Variants in ABCB7 observed in about 807,000 individuals in gnomAD.
ABCB7 encodes the protein iron-sulfur clusters transporter ABCB7, mitochondrial.
A neutral mutation model predicts 54.4 loss-of-function variants in ABCB7; 7 were observed. The observed-to-expected ratio is 0.13, with a 90% CI of 0.07 to 0.24. ABCB7 has a LOEUF of 0.24. ABCB7 is among the 10% of genes least tolerant of loss of function. ABCB7 has a pLI of 1.00. For synonymous variants in ABCB7, 218 were observed against 207.1 expected (o/e 1.05, Z -0.45); for missense variants, 356 against 570.4 (o/e 0.62, Z 3.83).
At chrX:75,063,976 G>A (rs2081299486) in intron 13 of ABCB7, among the ~76,000 whole-genome samples, 1 of 111,232 alleles carries the variant, frequency 9.0e-6, no homozygotes, top group Non-Finnish European at 1.9e-5. Flanking sequence ...ATAAATTAGG[G>A]ATCGCCAGAA....
At chrX:75,091,625 A>G (rs1330456205) in intron 4 of ABCB7, among the ~76,000 whole-genome samples, 1 of 110,709 alleles carries the variant, frequency 9.0e-6, no homozygotes, top group African/African-American at 3.3e-5. Flanking sequence ...AAAGGACAAA[A>G]TAAAACTGTC....
rs1490568635 is a variant in ABCB7 at position 75,074,014 on chromosome X, T to G, written c.856-58A>C. The G allele has an allele frequency of 3.1e-6, 3 of 964,560 alleles. No individual in the cohort carries two copies. The African/African-American group carries it at 5.7e-5, about 18-fold the overall frequency. 79.5% of individuals were successfully genotyped at this position (964,560 alleles called of 1,213,427 possible). On this transcript the variant is annotated intron_variant, in intron 6 of 15. Coordinates refer to ENST00000373394, the MANE Select transcript of ABCB7 (RefSeq NM_001271696.3). The stretch of plus-strand genomic sequence containing the variant: ...ACAGTTATTGTTCTTCCCAAACAGT[T>G]TGTAATACACAACAGCAAATCTCGG...
At chrX:75,061,799 G>GT (rs2081284131) in intron 14 of ABCB7, among the ~76,000 whole-genome samples, 1 of 112,229 alleles carries the variant, frequency 8.9e-6, no homozygotes, top group Admixed American at 9.4e-5. Context: ...ATTGACATCA[G>GT]TGTCACATCT....
At chrX:75,073,992 G>C in intron 6 of ABCB7, 36 bp from the exon 7 acceptor site, 2 of 1,080,392 alleles carry the variant, frequency 1.9e-6, no homozygotes, top group Non-Finnish European at 2.6e-6. Context: ...ACGTGAAACA[G>C]TTATTGTTCT....
chrX:75,081,979 C>G (rs1340679957), intron 4 of ABCB7, among the ~76,000 whole-genome samples: 1 of 109,818 alleles, frequency 9.1e-6, no homozygotes, highest in East Asian at 2.8e-4. Flanking sequence ...AAAACACTTA[C>G]CATCCTTTAT....
intron 3 of ABCB7, among the ~76,000 whole-genome samples, chrX:75,108,056 T>G (rs2081720586): frequency 9.0e-6 from 1 of 111,057 alleles, no homozygotes; most frequent in African/African-American, 3.3e-5. Context: ...TTGGGGGTAG[T>G]CTGGCAGTAC....
intron 5 of ABCB7, among the ~76,000 whole-genome samples, chrX:75,075,877 T>G (rs900532984): frequency 1.8e-5 from 2 of 111,990 alleles, no homozygotes; most frequent in East Asian, 5.6e-4. Context: ...TTTTTCCAAA[T>G]AAAATACTTA....
intron 4 of ABCB7, among the ~76,000 whole-genome samples, chrX:75,077,124 T>A (rs778019728): frequency 4.5e-5 from 5 of 112,094 alleles, no homozygotes; most frequent in East Asian, 5.6e-4. Context: ...TAAATATTTT[T>A]AAAATAATTT....
chrX:75,090,013 C>T (rs998369275), intron 4 of ABCB7, among the ~76,000 whole-genome samples: 2 of 110,332 alleles, frequency 1.8e-5, no homozygotes, highest in African/African-American at 6.6e-5. Context: ...AAAAGAGGGG[C>T]ATTACATAAT....
intron 4 of ABCB7, among the ~76,000 whole-genome samples, chrX:75,089,908 C>A (rs1199253066): frequency 2.7e-5 from 3 of 110,221 alleles, no homozygotes; most frequent in Non-Finnish European, 1.9e-5. Flanking sequence ...ATATACACCA[C>A]CTTAACCCTT....
intron 12 of ABCB7, among the ~76,000 whole-genome samples, chrX:75,067,932 A>G (rs934917305): frequency 2.7e-5 from 3 of 112,004 alleles, no homozygotes; most frequent in Non-Finnish European, 5.6e-5. Context: ...TTATTAAATT[A>G]GATTATCTAA....
At chrX:75,055,544 C>A (rs1238489861) in intron 15 of ABCB7, among the ~76,000 whole-genome samples, 1 of 73,902 alleles carries the variant, frequency 1.4e-5, no homozygotes, top group Non-Finnish European at 2.6e-5. Context: ...CCCCCCCGCC[C>A]ATCTCTACCA....
Position 75,156,206 on chromosome X carries a change from G to T in ABCB7, c.67C>A (p.His23Asn). 1.7e-6 allele frequency: 2 copies of T among 1,205,395 alleles called. No individual in the cohort carries two copies. Among genetic ancestry groups the T allele is most frequent in the Non-Finnish European group, 2.2e-6 (2 of 892,324 alleles). Reference protein sequence around the residue: ...AAAAAFEKRRHSAILIRPLVS... With the variant: ...AAAAAFEKRRNSAILIRPLVS... Reference sequence around the variant, plus strand: ...AAAGGCCGGATCAGAATCGCGGAGTGCCGGCGCTTTTCGAAAGCAGCCGCC... The same window carrying T: ...AAAGGCCGGATCAGAATCGCGGAGTTCCGGCGCTTTTCGAAAGCAGCCGCC... The change falls in exon 1 of 16, where the codon CAC (histidine) becomes AAC (asparagine). Residue 23 changes from histidine (H) to asparagine (N), a missense_variant. This residue lies in a region of ABCB7 where 115 missense variants were observed against 99.5 expected (regional missense o/e 1.16). Coordinates refer to ENST00000373394, the MANE Select transcript of ABCB7 (RefSeq NM_001271696.3).
chrX:75,114,249 T>C (rs12009891), intron 2 of ABCB7, among the ~76,000 whole-genome samples: 1,351 of 111,865 alleles, frequency 0.012, 22 homozygotes, highest in African/African-American at 0.042. Flanking sequence ...GTCTTTTCTA[T>C]CACGGAGATT....
chrX:75,069,115 T>C lies in ABCB7; in HGVS notation c.1551A>G (p.Leu517=), dbSNP rs1365155083. 6 of 1,208,768 alleles carry C rather than the reference T, an allele frequency of 5.0e-6. No homozygotes were observed. The Admixed American group carries it at 8.7e-5, about 18-fold the overall frequency. ...SGSGKSTIVR[L]LFRFYEPQKG... Reference sequence around the variant, plus strand: ...TTTGAGGCTCATAGAAGCGAAATAATAGCCTCACTATTGTGCTTTTCCTGA... The same window carrying C: ...TTTGAGGCTCATAGAAGCGAAATAACAGCCTCACTATTGTGCTTTTCCTGA... Residue 517 remains leucine (L), a synonymous_variant, in exon 12 of 16, where the codon CTA becomes CTG. Transcript: ENST00000373394.
intron 3 of ABCB7, among the ~76,000 whole-genome samples, chrX:75,105,189 G>A (rs1195171076): frequency 9.0e-6 from 1 of 110,764 alleles, no homozygotes; most frequent in African/African-American, 3.3e-5. Flanking sequence ...AGCAATCAGA[G>A]AAGAGAAATA....
intron 4 of ABCB7, among the ~76,000 whole-genome samples, chrX:75,087,478 T>A (rs1442396444): frequency 8.9e-6 from 1 of 112,270 alleles, no homozygotes; most frequent in African/African-American, 3.2e-5. Flanking sequence ...AAAGCAAATG[T>A]CATTAAAGAT....
intron 1 of ABCB7, among the ~76,000 whole-genome samples, chrX:75,118,336 G>T (rs866299736): frequency 1.8e-5 from 2 of 109,816 alleles, no homozygotes; most frequent in Middle Eastern, 4.7e-3. Context: ...GTTACTTTTG[G>T]TAAAGTTTAA....
intron 1 of ABCB7, among the ~76,000 whole-genome samples, chrX:75,137,214 CA>C (rs758133558): frequency 3.6e-5 from 4 of 112,082 alleles, no homozygotes; most frequent in Non-Finnish European, 7.5e-5. Context: ...TAAAAATGCG[CA>C]AAGGACATGA....
Sources: gnomAD v4.1 joint callset for allele counts (sites outside exome capture counted in the v4.1 genomes callset) on GRCh38, gnomAD v4.1.1 for gene constraint, gnomAD v4.1.1 regional missense constraint, MANE v1.5 for transcripts, NCBI Gene and HGNC (gene_info 2026-07-23, HGNC 2026-07-21) for gene names.